ADK: variants seen among roughly 807,000 people sequenced by gnomAD.
ADK encodes adenosine kinase.
In ADK, 24 loss-of-function variants were observed where a neutral mutation model predicts 44.7. That is an observed-to-expected ratio of 0.54 (90% CI 0.39 to 0.76). The LOEUF (loss-of-function observed/expected upper bound fraction) is 0.76, where lower values mean the gene tolerates loss of function less well. Ranked by LOEUF, ADK falls within the 30% of genes least tolerant of loss-of-function variation. The pLI is 0.00. For synonymous variants in ADK, 128 were observed against 142.6 expected, an observed-to-expected ratio of 0.90 and a Z score of 0.73; for missense variants, 321 against 425.1, an observed-to-expected ratio of 0.76 and a Z score of 2.15.
chr10:74,156,046 A>C (rs1005798883), intron 1 of ADK, among the ~76,000 whole-genome samples: 4 of 152,188 alleles, frequency 2.6e-5, no homozygotes, highest in African/African-American at 9.7e-5. Flanking sequence ...TGAATGCCTT[A>C]ATAAGATCCT....
chr10:74,531,001 C>A (rs1009336197), intron 7 of ADK, among the ~76,000 whole-genome samples: 33 of 152,100 alleles, frequency 2.2e-4, no homozygotes, highest in Admixed American at 2.0e-3. Context: ...TTCAAGGAGT[C>A]TAAGACAGCT....
intron 6 of ADK, among the ~76,000 whole-genome samples, chr10:74,442,592 G>A (rs908158156): frequency 2.0e-5 from 3 of 152,200 alleles, no homozygotes; most frequent in Non-Finnish European, 2.9e-5. Context: ...GTTGCAGCGA[G>A]CTGAGAACAT....
intron 6 of ADK, among the ~76,000 whole-genome samples, chr10:74,400,558 A>C (rs1843670574): frequency 6.6e-6 from 1 of 152,228 alleles, no homozygotes; most frequent in African/African-American, 2.4e-5. Flanking sequence ...GAGCATTCCG[A>C]AATGATGTGT....
intron 6 of ADK, among the ~76,000 whole-genome samples, chr10:74,517,858 C>T (rs1261976975): frequency 6.6e-6 from 1 of 152,070 alleles, no homozygotes; most frequent in Non-Finnish European, 1.5e-5. Flanking sequence ...TATATTTGTT[C>T]TAGCTTTCTT....
chr10:74,178,968 C>T (rs1842443450), intron 1 of ADK, among the ~76,000 whole-genome samples: 1 of 152,198 alleles, frequency 6.6e-6, no homozygotes, highest in Non-Finnish European at 1.5e-5. Flanking sequence ...AAACAATATA[C>T]TATTTAAACT....
chr10:74,671,514 T>C (rs1855184380), intron 10 of ADK, among the ~76,000 whole-genome samples: 1 of 152,256 alleles, frequency 6.6e-6, no homozygotes. Context: ...TTCACTGTTA[T>C]GATTGTGTTT....
intron 9 of ADK, among the ~76,000 whole-genome samples, chr10:74,601,094 G>A (rs1413090001): frequency 6.6e-6 from 1 of 151,898 alleles, no homozygotes; most frequent in East Asian, 1.9e-4. Flanking sequence ...GTAAACTGGA[G>A]CAATTTAGTA....
intron 2 of ADK, among the ~76,000 whole-genome samples, chr10:74,205,676 A>C (rs1843567542): frequency 2.9e-5 from 1 of 34,302 alleles, no homozygotes; most frequent in Non-Finnish European, 8.3e-5. Context: ...AATCTGTCTC[A>C]AAAAAAAAAA....
intron 4 of ADK, among the ~76,000 whole-genome samples, chr10:74,347,226 G>A (rs1347364928): frequency 6.7e-6 from 1 of 150,348 alleles, no homozygotes; most frequent in African/African-American, 2.5e-5. Context: ...TTCCAACTAA[G>A]GTACCCAGTT....
chr10:74,643,327 T>C (rs1853940043), intron 9 of ADK, among the ~76,000 whole-genome samples: 1 of 152,234 alleles, frequency 6.6e-6, no homozygotes, highest in Non-Finnish European at 1.5e-5. Flanking sequence ...TGATCACTTT[T>C]ACCCATAGGT....
At chr10:74,536,020 C>T (rs1030103658) in intron 7 of ADK, among the ~76,000 whole-genome samples, 8 of 151,256 alleles carry the variant, frequency 5.3e-5, no homozygotes, top group African/African-American at 1.9e-4. Context: ...ATTCCTTTTC[C>T]TCATCTGTAA....
At chr10:74,177,005 C>G in intron 1 of ADK, 1 of 1,387,676 alleles carries the variant, frequency 7.2e-7, no homozygotes. Context: ...TGGTCCCCCT[C>G]GTGTTGGGGG....
intron 3 of ADK, among the ~76,000 whole-genome samples, chr10:74,250,400 A>T (rs893465137): frequency 6.6e-6 from 1 of 152,174 alleles, no homozygotes; most frequent in Non-Finnish European, 1.5e-5. Flanking sequence ...TGTTTGGAGA[A>T]TGGTGAGATA....
At chr10:74,424,340 G>T (rs988008384) in intron 6 of ADK, among the ~76,000 whole-genome samples, 143 of 152,060 alleles carry the variant, frequency 9.4e-4, no homozygotes, top group African/African-American at 3.3e-3. Flanking sequence ...TTCATGACCA[G>T]CCTGACCAAC....
At chr10:74,362,232 T>G (rs1237241481) in intron 4 of ADK, among the ~76,000 whole-genome samples, 1 of 152,172 alleles carries the variant, frequency 6.6e-6, no homozygotes, top group Non-Finnish European at 1.5e-5. Context: ...TCCCATAGAT[T>G]TTGTAAGCTT....
chr10:74,631,278 ATTTT>A (rs11313781), intron 9 of ADK, among the ~76,000 whole-genome samples: 2 of 144,522 alleles, frequency 1.4e-5, no homozygotes, highest in Non-Finnish European at 3.1e-5. Context: ...TGATTTATTT[ATTTT>A]TTTTTTTTTG....
At chr10:74,410,800 G>C (rs1279305589) in intron 6 of ADK, among the ~76,000 whole-genome samples, 1 of 152,186 alleles carries the variant, frequency 6.6e-6, no homozygotes, top group East Asian at 1.9e-4. Flanking sequence ...CTTTGGCAGA[G>C]TAAGTGAACT....
intron 3 of ADK, among the ~76,000 whole-genome samples, chr10:74,256,365 G>T (rs1439989493): frequency 6.6e-6 from 1 of 152,188 alleles, no homozygotes; most frequent in Non-Finnish European, 1.5e-5. Flanking sequence ...GGCAAGAACT[G>T]ATTGTTATGA....
At chr10:74,568,288 T>G (rs565469090) in intron 7 of ADK, among the ~76,000 whole-genome samples, 1 of 152,326 alleles carries the variant, frequency 6.6e-6, no homozygotes, top group South Asian at 2.1e-4. Flanking sequence ...TATTCTGACT[T>G]TAAATATTGC....
Sources: gnomAD v4.1 joint callset for allele counts (sites outside exome capture counted in the v4.1 genomes callset) on GRCh38, gnomAD v4.1.1 for gene constraint, MANE v1.5 for transcripts, NCBI Gene and HGNC (gene_info 2026-07-23, HGNC 2026-07-21) for gene names.